The following IRX2 variants were observed in gnomAD, a reference collection of about 807,000 sequenced individuals.
IRX2 encodes the protein iroquois homeobox 2.
In IRX2, 26 loss-of-function variants were observed where a neutral mutation model predicts 42.9. The observed-to-expected ratio is 0.61, with a 90% CI of 0.44 to 0.84. The LOEUF (loss-of-function observed/expected upper bound fraction) is 0.84, where lower values mean the gene tolerates loss of function less well. Among genes scored for constraint, IRX2 ranks in the 40% least tolerant of loss-of-function variants. The probability of loss-of-function intolerance (pLI) is 0.00; values close to 1 mark genes in which losing one functional copy is unlikely to be tolerated. For synonymous variants in IRX2, 424 were observed against 353.9 expected (o/e 1.20, Z -2.22); for missense variants, 782 against 713.9 (o/e 1.10, Z -1.09).
At position 2,751,369 on chromosome 5, in the gene IRX2, C is replaced by G; in HGVS notation, c.45G>C (p.Leu15=). The G allele has an allele frequency of 7.0e-7, 1 of 1,428,252 alleles. No homozygotes were observed. Among genetic ancestry groups the G allele is most frequent in the Non-Finnish European group, 9.2e-7 (1 of 1,090,726 alleles). The allele number at this position is 1,428,252 out of a possible 1,614,324, so 88.5% of individuals were successfully genotyped here. A position where few individuals can be genotyped will look rare whatever the true frequency, so the allele number is the denominator to read the frequency against. The change falls in exon 1 of 4, where the codon CTG becomes CTC. Residue 15 remains leucine, a synonymous_variant. Coordinates refer to ENST00000302057, the MANE Select transcript of IRX2 (RefSeq NM_033267.5). The surrounding 1 kb of genome is among the most constrained non-coding windows in gnomAD (Gnocchi z 4.0). The stretch of plus-strand genomic sequence containing the variant: ...CGTAGGCCGGGCACGAGTAGAGCGC[C>G]AGCGAGCCGGGCGCCTGGTACAGGT... ...QGYLYQAPGS[L]ALYSCPAYGA...
rs1056126885 is a variant in IRX2 at position 2,751,418 on chromosome 5, G to C, written c.-5C>G. 1.5e-6 allele frequency: 2 copies of C among 1,295,954 alleles called. No homozygotes were observed. Among genetic ancestry groups the C allele is most frequent in the Non-Finnish European group, 2.0e-6 (2 of 1,021,510 alleles). The allele number at this position is 1,295,954 out of a possible 1,614,324, so 80.3% of individuals were successfully genotyped here. On this transcript the variant is annotated 5_prime_UTR_variant, in exon 1 of 4. Coordinates refer to ENST00000302057, the MANE Select transcript of IRX2 (RefSeq NM_033267.5). This position sits in a 1 kb window ranked among gnomAD's most constrained non-coding sequence, Gnocchi z 4.0. ...GTAGCCCTGCGGGTAGGACATGGTG[G>C]GCGCGGGGCGCGGGGCCCGCGTCAC...
chr5:2,739,993 G>T, the IRX2 span, among the ~76,000 whole-genome samples: 1,531 of 152,292 alleles, frequency 0.01, 26 homozygotes, highest in African/African-American at 0.036. Context: ...TGGGAGCTCG[G>T]GGGTCCTCGC....
At chr5:2,740,536 C>T in the IRX2 span, among the ~76,000 whole-genome samples, 1 of 152,198 alleles carries the variant, frequency 6.6e-6, no homozygotes. Context: ...ATCGGACAGT[C>T]CCGGGGCTGG....
Position 2,747,386 on chromosome 5 carries a change from C to A in IRX2, c.*178G>T. 4 of 526,122 alleles carry A rather than the reference C, an allele frequency of 7.6e-6. No individual in the cohort carries two copies. The highest frequency in any genetic ancestry group is 6.7e-5 in the South Asian group (2 of 29,904). The allele number at this position is 526,122 out of a possible 1,614,324, so 32.6% of individuals were successfully genotyped here. ...TGCCAAAAAGAGGGAATCTATAAAA[C>A]AGAAAATATAGTTTCCCCCTTAAGG... is the stretch of plus-strand genomic sequence containing the variant. On this transcript the variant is annotated 3_prime_UTR_variant, in exon 4 of 4. Coordinates refer to ENST00000302057, the MANE Select transcript of IRX2 (RefSeq NM_033267.5).
rs1737672964 is a variant in IRX2, at chr5:2,746,644, A to G, written c.*920T>C. On this transcript the variant is annotated 3_prime_UTR_variant, in exon 4 of 4. Transcript: ENST00000302057. Reference sequence around the variant, plus strand: ...TCTGTGGGCTGACAGTGCTGTGTGGATCCTTCTCTTTTACAGTGGCACAAG... The same window carrying G: ...TCTGTGGGCTGACAGTGCTGTGTGGGTCCTTCTCTTTTACAGTGGCACAAG... The G allele has an allele frequency of 6.6e-6, 1 of 152,044 alleles. No individual in the cohort carries two copies. Among genetic ancestry groups the G allele is most frequent in the Non-Finnish European group, 1.5e-5 (1 of 67,990 alleles). The allele number at this position is 152,044 out of a possible 1,614,324, so 9.4% of individuals were successfully genotyped here. A position where few individuals can be genotyped will look rare whatever the true frequency, so the allele number is the denominator to read the frequency against.
At chr5:2,750,609 G>A (rs1310277428) in intron 1 of IRX2, among the ~76,000 whole-genome samples, 1 of 152,202 alleles carries the variant, frequency 6.6e-6, no homozygotes, top group Non-Finnish European at 1.5e-5. Flanking sequence ...ATGGTCCGCT[G>A]GACAGAGTAA....
chr5:2,742,545 A>C (rs1737566151), downstream of IRX2, among the ~76,000 whole-genome samples: 1 of 152,246 alleles, frequency 6.6e-6, no homozygotes, highest in Admixed American at 6.5e-5. Flanking sequence ...CTCTTCGGTT[A>C]ACGCTTTCAA....
chr5:2,749,745 T>C lies in IRX2; in HGVS notation c.292A>G (p.Ile98Val), dbSNP rs774567161. 3.1e-6 allele frequency: 5 copies of C among 1,612,748 alleles called. No homozygotes were observed. Among genetic ancestry groups the C allele is most frequent in the South Asian group, 1.1e-5 (1 of 91,018 alleles). The change falls in exon 2 of 4, where the codon ATC becomes GTC. Residue 98 changes from isoleucine to valine, a missense_variant. Around this residue, in one of 3 missense-constraint regions of IRX2, gnomAD observed 256 missense variants for 250.0 expected, o/e 1.02. Transcript: ENST00000302057. ...DAHTTGMTGA[I>V]SYHPYGSAAY... is the part of the protein sequence containing the mutation. ...GCGCTGCCGTACGGGTGGTAGCTGA[T>C]GGCGCCGGTCATGCCGGTGGTGTGC...
At position 2,749,564 on chromosome 5, in the gene IRX2, A is replaced by G. The variant is rs1413562116; in HGVS notation, c.473T>C (p.Leu158Pro). 6.2e-7 allele frequency: 1 copy of G among 1,614,134 alleles called. No individual in the cohort carries two copies. Among genetic ancestry groups the G allele is most frequent in the Admixed American group, 1.7e-5 (1 of 60,024 alleles). The change falls in exon 2 of 4, where the codon CTC (leucine) becomes CCC (proline). Residue 158 changes from leucine to proline, a missense_variant. Coordinates refer to ENST00000302057, the MANE Select transcript of IRX2 (RefSeq NM_033267.5). ...IMLAIITKMT[L>P]TQVSTWFANA... ...GGCGAACCAGGTGGAGACCTGGGTG[A>G]GGGTCATCTTGGTGATGATGGCTAG... is the stretch of plus-strand genomic sequence containing the variant.
chr5:2,740,847 C>T (rs181048980), downstream of IRX2, among the ~76,000 whole-genome samples: 99 of 152,304 alleles, frequency 6.5e-4, no homozygotes, highest in African/African-American at 2.2e-3. Flanking sequence ...GTGCACCGTC[C>T]CCCTTGCACG....
At chr5:2,742,598 A>G (rs1209636993), downstream of IRX2, among the ~76,000 whole-genome samples, 1 of 152,352 alleles carries the variant, frequency 6.6e-6, no homozygotes, top group East Asian at 1.9e-4. Flanking sequence ...AGTTTAAAAC[A>G]TATTTATTAT....
At position 2,747,536 on chromosome 5, in the gene IRX2, C is replaced by G. The variant is rs368064108; in HGVS notation, c.*28G>C. 1.9e-6 allele frequency: 3 copies of G among 1,610,086 alleles called. No homozygotes were observed. Among genetic ancestry groups the G allele is most frequent in the Non-Finnish European group, 2.5e-6 (3 of 1,176,558 alleles). On this transcript the variant is annotated 3_prime_UTR_variant, in exon 4 of 4. Coordinates refer to ENST00000302057, the MANE Select transcript of IRX2 (RefSeq NM_033267.5). ...GGTCTGGGAAGCACCAGGGTGCCCACTTACTTGCATTGCTGTGCTCGGCCC... is the reference window on the plus strand; with the variant it reads ...GGTCTGGGAAGCACCAGGGTGCCCAGTTACTTGCATTGCTGTGCTCGGCCC...
downstream of IRX2, among the ~76,000 whole-genome samples, chr5:2,743,529 G>GCCCA (rs745519875): frequency 0.016 from 1,960 of 125,478 alleles, 16 homozygotes; most frequent in Non-Finnish European, 0.02. Flanking sequence ...CGCGGGCGCC[G>GCCCA]GGCCGCGGAG....
downstream of IRX2, among the ~76,000 whole-genome samples, chr5:2,744,995 A>G (rs546685163): frequency 5.9e-5 from 9 of 152,296 alleles, no homozygotes; most frequent in South Asian, 1.7e-3. Context: ...ACTAATTTCT[A>G]TGGCAAAAAA....
chr5:2,749,936 A>G, intron 1 of IRX2, 149 bp from the exon 2 acceptor site: 1 of 781,792 alleles, frequency 1.3e-6, no homozygotes, highest in Non-Finnish European at 2.0e-6. Context: ...AGAGCAGGAA[A>G]AACGCAGTGT....
Sources: allele counts gnomAD v4.1 joint callset (sites outside exome capture counted in the v4.1 genomes callset), GRCh38; gene constraint gnomAD v4.1.1; regional missense constraint gnomAD v4.1.1; non-coding constraint Gnocchi (gnomAD v3.1); transcripts MANE v1.5; gene names NCBI Gene and HGNC (gene_info 2026-07-23, HGNC 2026-07-21).